Variants in RGS6 observed in about 807,000 individuals in gnomAD.
RGS6 encodes the protein regulator of G-protein signaling 6.
Under a neutral mutation model 78.5 loss-of-function variants are expected in RGS6, and 30 were observed. The observed-to-expected ratio is 0.38, with a 90% CI of 0.29 to 0.52. The LOEUF (loss-of-function observed/expected upper bound fraction) is 0.52, where lower values mean the gene tolerates loss of function less well. RGS6 is among the 20% of genes least tolerant of loss of function. The probability of loss-of-function intolerance (pLI) is 0.85; values close to 1 mark genes in which losing one functional copy is unlikely to be tolerated. For synonymous variants in RGS6, 206 were observed against 206.0 expected, an observed-to-expected ratio of 1.00 and a Z score of 0.00; for missense variants, 495 against 609.7, an observed-to-expected ratio of 0.81 and a Z score of 1.98.
At chr14:72,115,674 G>A (rs1350245607) in intron 2 of RGS6, among the ~76,000 whole-genome samples, 1 of 152,134 alleles carries the variant, frequency 6.6e-6, no homozygotes, top group African/African-American at 2.4e-5. Flanking sequence ...ACTTTCAAAG[G>A]CACCAATGCA....
chr14:72,325,436 T>C (rs574722725), intron 2 of RGS6, among the ~76,000 whole-genome samples: 1 of 152,312 alleles, frequency 6.6e-6, no homozygotes, highest in South Asian at 2.1e-4. Context: ...CCCATGCCTA[T>C]GTCCTGAATG....
chr14:72,213,207 G>T (rs1367568282), intron 2 of RGS6, among the ~76,000 whole-genome samples: 4 of 152,002 alleles, frequency 2.6e-5, no homozygotes, highest in Non-Finnish European at 4.4e-5. Flanking sequence ...CACTACTCCT[G>T]TATATTTCAA....
chr14:72,376,347 A>G (rs930838837), intron 3 of RGS6, among the ~76,000 whole-genome samples: 1 of 152,250 alleles, frequency 6.6e-6, no homozygotes. Context: ...AATTAAGTCA[A>G]AGGATTTATG....
the RGS6 span, among the ~76,000 whole-genome samples, chr14:72,574,389 C>A: frequency 6.6e-6 from 1 of 152,126 alleles, no homozygotes; most frequent in African/African-American, 2.4e-5. Context: ...GGAGTGACCA[C>A]CCCAGCAACT....
chr14:72,321,634 A>G (rs921111359), intron 2 of RGS6, among the ~76,000 whole-genome samples: 3 of 152,196 alleles, frequency 2.0e-5, no homozygotes, highest in Non-Finnish European at 2.9e-5. Flanking sequence ...GATAAGATGT[A>G]TCATTCACAA....
chr14:72,438,964 C>T (rs1434759128), intron 3 of RGS6, among the ~76,000 whole-genome samples: 3 of 152,348 alleles, frequency 2.0e-5, no homozygotes, highest in East Asian at 1.9e-4. Context: ...TTGCTTCCTG[C>T]CTTGGAGATC....
In RGS6 at chr14:72,176,642, A is replaced by G. The variant is rs188827362; in HGVS notation, c.85-175453A>G. ...CTTGGAAGTGAGGGAGGAAGCTGGG[A>G]AAGAGTGAGCTTAGGTCCGTGAACA... is the stretch of plus-strand genomic sequence containing the variant. On this transcript the variant is annotated intron_variant, in intron 2 of 17. Transcript: ENST00000553525. Among the ~76,000 whole-genome samples, 27 of 152,362 alleles carry G rather than the reference A, an allele frequency of 1.8e-4. No homozygotes were observed. The East Asian group carries it at 5.2e-3, about 29-fold the overall frequency.
At chr14:72,130,756 T>A (rs2096296314) in intron 2 of RGS6, among the ~76,000 whole-genome samples, 1 of 152,224 alleles carries the variant, frequency 6.6e-6, no homozygotes. Context: ...ATCATTTGCT[T>A]AGAAAATTAC....
chr14:72,221,152 C>A (rs1006752009), intron 2 of RGS6, among the ~76,000 whole-genome samples: 1 of 152,156 alleles, frequency 6.6e-6, no homozygotes, highest in Non-Finnish European at 1.5e-5. Flanking sequence ...TAAAGTCACA[C>A]CTTGGGAGAA....
intron 2 of RGS6, among the ~76,000 whole-genome samples, chr14:72,242,452 C>A (rs1054792997): frequency 6.6e-6 from 1 of 152,162 alleles, no homozygotes; most frequent in Non-Finnish European, 1.5e-5. Context: ...CTTAAAATAA[C>A]CTTTATAAAG....
At chr14:72,115,000 T>G (rs1479565946) in intron 2 of RGS6, among the ~76,000 whole-genome samples, 1 of 152,220 alleles carries the variant, frequency 6.6e-6, no homozygotes, top group East Asian at 1.9e-4. Context: ...TACGGCTCCT[T>G]TATCTAACAG....
At chr14:72,188,397 T>C (rs1352049205) in intron 2 of RGS6, among the ~76,000 whole-genome samples, 1 of 151,818 alleles carries the variant, frequency 6.6e-6, no homozygotes, top group Admixed American at 6.6e-5. Flanking sequence ...CCCCTTGGAG[T>C]TGACGTGAGG....
chr14:72,465,261 C>A (rs574677251), intron 6 of RGS6, among the ~76,000 whole-genome samples: 2 of 152,216 alleles, frequency 1.3e-5, no homozygotes, highest in East Asian at 3.9e-4. Flanking sequence ...GGACTCCAGG[C>A]AGAGCTTTTA....
intron 1 of RGS6, among the ~76,000 whole-genome samples, chr14:71,957,755 G>A (rs1172362333): frequency 1.3e-5 from 2 of 152,044 alleles, no homozygotes; most frequent in Non-Finnish European, 1.5e-5. Flanking sequence ...CAGATGGAAT[G>A]CAAAATTTTT....
chr14:72,342,339 G>A (rs1331459673), intron 2 of RGS6, among the ~76,000 whole-genome samples: 3 of 152,102 alleles, frequency 2.0e-5, no homozygotes, highest in African/African-American at 2.4e-5. Context: ...GCCAAGGCAG[G>A]CAGATCACTT....
chr14:72,467,765 T>C (rs902615512), intron 7 of RGS6, among the ~76,000 whole-genome samples: 4 of 152,206 alleles, frequency 2.6e-5, no homozygotes, highest in African/African-American at 9.6e-5. Context: ...GGCCTGGTTG[T>C]TCTGTGGCTC....
At chr14:72,450,274 C>A (rs926107943) in intron 3 of RGS6, among the ~76,000 whole-genome samples, 1 of 151,932 alleles carries the variant, frequency 6.6e-6, no homozygotes, top group Non-Finnish European at 1.5e-5. Context: ...CATGAATGAG[C>A]CATAATTTAT....
chr14:72,370,013 C>T (rs1414836051), intron 3 of RGS6, among the ~76,000 whole-genome samples: 1 of 151,998 alleles, frequency 6.6e-6, no homozygotes, highest in Admixed American at 6.6e-5. Context: ...TAAATATCCT[C>T]AACAGAAGCA....
chr14:72,288,418 C>T (rs1042485092), intron 2 of RGS6, among the ~76,000 whole-genome samples: 1 of 152,270 alleles, frequency 6.6e-6, no homozygotes, highest in East Asian at 1.9e-4. Context: ...CAGGTGCAGC[C>T]CTCAATACTA....
Sources: gnomAD v4.1 joint callset for allele counts (sites outside exome capture counted in the v4.1 genomes callset) on GRCh38, gnomAD v4.1.1 for gene constraint, MANE v1.5 for transcripts, NCBI Gene and HGNC (gene_info 2026-07-23, HGNC 2026-07-21) for gene names.